The following IL23R variants were observed in gnomAD, a reference collection of about 807,000 sequenced individuals.
IL23R encodes interleukin-23 receptor.
IL23R carries 34 observed loss-of-function variants against 56.9 expected under a neutral mutation model. The observed-to-expected ratio is 0.60, with a 90% CI of 0.45 to 0.80. The LOEUF (loss-of-function observed/expected upper bound fraction) is 0.80. IL23R is among the 30% of genes least tolerant of loss of function. The pLI is 0.00. For missense variants in IL23R, 635 were observed against 730.0 expected, an observed-to-expected ratio of 0.87 and a Z score of 1.50; for synonymous variants, 230 against 249.2, an observed-to-expected ratio of 0.92 and a Z score of 0.73.
At chr1:67,252,767 C>T (rs188392147) in intron 9 of IL23R, among the ~76,000 whole-genome samples, 16 of 147,394 alleles carry the variant, frequency 1.1e-4, no homozygotes, top group African/African-American at 3.8e-4. Flanking sequence ...TTCAGAGAAA[C>T]TCTAGGGATG....
intron 8 of IL23R, among the ~76,000 whole-genome samples, chr1:67,238,722 G>A (rs1651657656): frequency 6.6e-6 from 1 of 152,178 alleles, no homozygotes; most frequent in African/African-American, 2.4e-5. Context: ...GCACTGTGTT[G>A]ACCTGAGGGC....
intron 5 of IL23R, among the ~76,000 whole-genome samples, chr1:67,204,221 G>A (rs960222255): frequency 6.6e-6 from 1 of 152,008 alleles, no homozygotes; most frequent in South Asian, 2.1e-4. Context: ...CAGCCACCTC[G>A]CCCCGCTAAT....
At position 67,236,789 on chromosome 1, in the gene IL23R, G is replaced by A; in HGVS notation, c.1032G>A (p.Gly344=). ...TAACAGTTGCTTCCATCTCTACAGGGCACCTTACTTCTGGTAAGAAAATAC... is the reference window on the plus strand; with the variant it reads ...TAACAGTTGCTTCCATCTCTACAGGACACCTTACTTCTGGTAAGAAAATAC... ...SGLTVASIST[G]HLTSDNRGDI... is the part of the protein sequence containing the mutation. The change falls in exon 8 of 11, where the codon GGG becomes GGA. Residue 344 remains glycine, a synonymous_variant. Coordinates refer to ENST00000347310, the MANE Select transcript of IL23R (RefSeq NM_144701.3). The A allele has an allele frequency of 6.2e-7, 1 of 1,608,032 alleles. No individual in the cohort carries two copies. The highest frequency in any genetic ancestry group is 8.5e-7 in the Non-Finnish European group (1 of 1,174,564).
At chr1:67,227,288 C>T (rs1021100986) in intron 7 of IL23R, among the ~76,000 whole-genome samples, 2 of 152,214 alleles carry the variant, frequency 1.3e-5, no homozygotes, top group Admixed American at 6.5e-5. Flanking sequence ...CCCTTTTTAA[C>T]GAAGAAAAGA....
intron 7 of IL23R, among the ~76,000 whole-genome samples, chr1:67,222,749 A>G (rs547294065): frequency 8.5e-5 from 13 of 152,308 alleles, no homozygotes; most frequent in Admixed American, 7.8e-4. Flanking sequence ...GTGGGTAATG[A>G]CACCTAAACT....
At chr1:67,171,178 T>G (rs1646939030) in intron 3 of IL23R, among the ~76,000 whole-genome samples, 1 of 152,156 alleles carries the variant, frequency 6.6e-6, no homozygotes, top group Admixed American at 6.5e-5. Flanking sequence ...GACTATACAA[T>G]TTCTTTGGAG....
chr1:67,228,601 T>C (rs895856578), intron 7 of IL23R, among the ~76,000 whole-genome samples: 10 of 152,126 alleles, frequency 6.6e-5, no homozygotes, highest in African/African-American at 2.4e-4. Context: ...CATGAATTTA[T>C]TATCTTATAG....
chr1:67,263,749 A>G (rs1349502611), downstream of IL23R, among the ~76,000 whole-genome samples: 1 of 152,214 alleles, frequency 6.6e-6, no homozygotes, highest in East Asian at 1.9e-4. Flanking sequence ...AATCTCGACT[A>G]AAAATACAAA....
chr1:67,226,283 C>T (rs1006802779), intron 7 of IL23R, among the ~76,000 whole-genome samples: 3 of 152,200 alleles, frequency 2.0e-5, no homozygotes, highest in African/African-American at 7.2e-5. Flanking sequence ...CCTCTTGGTA[C>T]CCAGGTCCTT....
intron 1 of IL23R, among the ~76,000 whole-genome samples, chr1:67,157,056 C>T (rs1230616218): frequency 3.3e-5 from 5 of 152,184 alleles, no homozygotes; most frequent in Non-Finnish European, 7.3e-5. Flanking sequence ...AGGGACGTCC[C>T]TCTGCTCCAT....
intron 9 of IL23R, among the ~76,000 whole-genome samples, chr1:67,240,995 A>C (rs558764439): frequency 6.6e-6 from 1 of 152,368 alleles, no homozygotes; most frequent in African/African-American, 2.4e-5. Flanking sequence ...AGACTCAGCT[A>C]TTGTTACGGG....
At chr1:67,253,348 G>C (rs113528902) in intron 9 of IL23R, among the ~76,000 whole-genome samples, 73 of 152,280 alleles carry the variant, frequency 4.8e-4, no homozygotes, top group Non-Finnish European at 1.0e-3. Context: ...CTGATGCATT[G>C]AGTATTTCTA....
chr1:67,246,351 T>C lies in IL23R; in HGVS notation c.1148+6070T>C, dbSNP rs542898061. On this transcript the variant is annotated intron_variant, in intron 9 of 10. Transcript: ENST00000347310. The stretch of plus-strand genomic sequence containing the variant: ...ATCTTAGTTACTTCTTGTCTTCTGC[T>C]AGCTTTTGAATTTGTTTGCTCTTGC... Among the ~76,000 whole-genome samples, 8 of 152,322 alleles carry C rather than the reference T, an allele frequency of 5.3e-5. No homozygotes were observed. In the East Asian group the frequency reaches 7.7e-4, roughly 15 times the overall value.
intron 1 of IL23R, among the ~76,000 whole-genome samples, chr1:67,158,202 C>A (rs1646786740): frequency 6.7e-6 from 1 of 149,458 alleles, no homozygotes; most frequent in Admixed American, 6.7e-5. Context: ...GGCAACAGAG[C>A]AAGACTCCAT....
chr1:67,172,286 A>C (rs1185129007), intron 3 of IL23R, among the ~76,000 whole-genome samples: 1 of 152,198 alleles, frequency 6.6e-6, no homozygotes. Flanking sequence ...ATGTCAACTT[A>C]TCATCACTGC....
At chr1:67,199,746 G>A (rs966974097) in intron 4 of IL23R, among the ~76,000 whole-genome samples, 2 of 152,010 alleles carry the variant, frequency 1.3e-5, no homozygotes, top group Non-Finnish European at 2.9e-5. Context: ...CATGAAGGCA[G>A]AAGTGTTCAG....
At chr1:67,265,140 C>T in the IL23R span, among the ~76,000 whole-genome samples, 2,094 of 152,270 alleles carry the variant, frequency 0.014, 46 homozygotes, top group African/African-American at 0.048. Context: ...AGTCAATAAA[C>T]GTTACTGTTT....
At chr1:67,217,481 A>G (rs1171578731) in intron 6 of IL23R, among the ~76,000 whole-genome samples, 1 of 152,114 alleles carries the variant, frequency 6.6e-6, no homozygotes, top group Non-Finnish European at 1.5e-5. Context: ...GGACTTATCT[A>G]TAAATGTAAT....
intron 4 of IL23R, among the ~76,000 whole-genome samples, chr1:67,190,066 G>A (rs1289405544): frequency 6.6e-6 from 1 of 152,180 alleles, no homozygotes; most frequent in African/African-American, 2.4e-5. Flanking sequence ...TCTTCTAAAC[G>A]TTCAGTTATT....
Sources: allele counts gnomAD v4.1 joint callset (sites outside exome capture counted in the v4.1 genomes callset), GRCh38; gene constraint gnomAD v4.1.1; transcripts MANE v1.5; gene names NCBI Gene and HGNC (gene_info 2026-07-23, HGNC 2026-07-21).